The following HTR1F variants were observed in gnomAD, a reference collection of about 807,000 sequenced individuals.
HTR1F encodes the protein 5-hydroxytryptamine (serotonin) receptor 1F, G protein-coupled.
Under a neutral mutation model 24.0 loss-of-function variants are expected in HTR1F, and 17 were observed. The observed-to-expected ratio is 0.71, with a 90% CI of 0.48 to 1.06. The LOEUF (loss-of-function observed/expected upper bound fraction) is 1.06, where lower values mean the gene tolerates loss of function less well. Among genes scored for constraint, HTR1F ranks in the 50% least tolerant of loss-of-function variants. The pLI is 0.00. For missense variants in HTR1F, 391 were observed against 427.8 expected (o/e 0.91, Z 0.76); for synonymous variants, 186 against 156.8 (o/e 1.19, Z -1.39).
chr3:87,826,236 A>G (rs1704459344), intron 2 of HTR1F, among the ~76,000 whole-genome samples: 2 of 152,226 alleles, frequency 1.3e-5, no homozygotes, highest in Admixed American at 1.3e-4. Flanking sequence ...GGGTGAGACC[A>G]TATTCTGTCT....
chr3:87,812,531 G>T (rs1255856385), intron 1 of HTR1F, among the ~76,000 whole-genome samples: 4 of 152,206 alleles, frequency 2.6e-5, no homozygotes, highest in Non-Finnish European at 5.9e-5. Flanking sequence ...TGGAAAATTT[G>T]CAGCCTGGTG....
intron 2 of HTR1F, among the ~76,000 whole-genome samples, chr3:87,929,685 C>T (rs1704214450): frequency 6.6e-6 from 1 of 152,150 alleles, no homozygotes; most frequent in South Asian, 2.1e-4. Flanking sequence ...CAGGACCATG[C>T]TGTTTTGGTT....
chr3:87,983,096 A>T (rs560587507), intron 2 of HTR1F, among the ~76,000 whole-genome samples: 2 of 152,282 alleles, frequency 1.3e-5, no homozygotes, highest in East Asian at 3.9e-4. Flanking sequence ...ATAAACTAAG[A>T]AAGAATAGGT....
At chr3:87,866,242 A>T (rs1428298431) in intron 2 of HTR1F, among the ~76,000 whole-genome samples, 1 of 152,212 alleles carries the variant, frequency 6.6e-6, no homozygotes, top group Admixed American at 6.5e-5. Context: ...GCAAAAGCAA[A>T]TATTTTGTAT....
intron 1 of HTR1F, among the ~76,000 whole-genome samples, chr3:87,799,969 G>C (rs1703967212): frequency 6.6e-6 from 1 of 152,068 alleles, no homozygotes; most frequent in Non-Finnish European, 1.5e-5. Flanking sequence ...TTTTTCTCCA[G>C]ACTCAGCCAA....
chr3:87,877,983 C>T (rs1411784357), intron 2 of HTR1F, among the ~76,000 whole-genome samples: 1 of 152,038 alleles, frequency 6.6e-6, no homozygotes, highest in African/African-American at 2.4e-5. Context: ...TATTTAAGTT[C>T]TTCTAAAATG....
intron 2 of HTR1F, among the ~76,000 whole-genome samples, chr3:87,952,748 T>C (rs1030543011): frequency 1.3e-5 from 2 of 151,922 alleles, no homozygotes; most frequent in Admixed American, 6.6e-5. Context: ...ATCAATATAA[T>C]GCAAGCTTTC....
intron 2 of HTR1F, among the ~76,000 whole-genome samples, chr3:87,887,852 C>T (rs1440607292): frequency 6.6e-6 from 1 of 151,982 alleles, no homozygotes; most frequent in Non-Finnish European, 1.5e-5. Flanking sequence ...AGAAATGGAA[C>T]ACTTTTACAC....
intron 2 of HTR1F, among the ~76,000 whole-genome samples, chr3:87,965,218 A>G (rs1705138122): frequency 6.6e-6 from 1 of 152,180 alleles, no homozygotes; most frequent in Admixed American, 6.6e-5. Flanking sequence ...TTCATTTTTT[A>G]TAAACAGTCA....
chr3:87,842,663 C>T (rs1460511730), intron 2 of HTR1F, among the ~76,000 whole-genome samples: 3 of 151,858 alleles, frequency 2.0e-5, no homozygotes, highest in African/African-American at 7.3e-5. Flanking sequence ...TATATGATGG[C>T]TTTACAATTT....
At chr3:87,944,724 G>T (rs1704653583) in intron 2 of HTR1F, among the ~76,000 whole-genome samples, 1 of 152,204 alleles carries the variant, frequency 6.6e-6, no homozygotes, top group Non-Finnish European at 1.5e-5. Context: ...TTCTGAAGTG[G>T]TGAGGTGTGC....
chr3:87,905,095 G>T (rs1284996771), intron 2 of HTR1F, among the ~76,000 whole-genome samples: 3 of 151,752 alleles, frequency 2.0e-5, no homozygotes, highest in Non-Finnish European at 2.9e-5. Flanking sequence ...ATAGCTTGAC[G>T]CCAGGAGTTT....
chr3:87,955,889 A>G (rs1004882168), intron 2 of HTR1F, among the ~76,000 whole-genome samples: 6 of 151,328 alleles, frequency 4.0e-5, no homozygotes, highest in African/African-American at 7.3e-5. Context: ...GTTTTTTTAA[A>G]TGAGTTATTA....
chr3:87,987,218 T>C (rs1288026539), intron 2 of HTR1F, among the ~76,000 whole-genome samples: 17 of 152,146 alleles, frequency 1.1e-4, no homozygotes, highest in African/African-American at 4.1e-4. Context: ...ATTTAATATT[T>C]AGTGCAAATT....
intron 2 of HTR1F, among the ~76,000 whole-genome samples, chr3:87,859,363 G>C (rs927822018): frequency 3.9e-5 from 6 of 152,314 alleles, no homozygotes; most frequent in African/African-American, 1.2e-4. Context: ...GATAGGACAA[G>C]AAGACCAGCT....
At chr3:87,851,269 A>G (rs1705080544) in intron 2 of HTR1F, among the ~76,000 whole-genome samples, 1 of 151,694 alleles carries the variant, frequency 6.6e-6, no homozygotes, top group Non-Finnish European at 1.5e-5. Flanking sequence ...AGAAGCAGAT[A>G]GATCTGATTC....
At chr3:87,944,032 G>A (rs9839638) in intron 2 of HTR1F, among the ~76,000 whole-genome samples, 29,434 of 151,750 alleles carry the variant, frequency 0.19, 3,210 homozygotes, top group African/African-American at 0.32. Flanking sequence ...CCTTTCCAGG[G>A]TGCGTAACCA....
intron 1 of HTR1F, among the ~76,000 whole-genome samples, chr3:87,815,937 T>C (rs909966129): frequency 1.3e-5 from 2 of 152,138 alleles, no homozygotes; most frequent in African/African-American, 4.8e-5. Flanking sequence ...TAGGCAATTA[T>C]TCAATGCAAG....
At chr3:87,868,340 A>C (rs998486423) in intron 2 of HTR1F, among the ~76,000 whole-genome samples, 4 of 152,046 alleles carry the variant, frequency 2.6e-5, no homozygotes, top group Admixed American at 2.6e-4. Flanking sequence ...TTTTTCTCTG[A>C]TTGAAATTTG....
Sources: gnomAD v4.1 joint callset for allele counts (sites outside exome capture counted in the v4.1 genomes callset) on GRCh38, gnomAD v4.1.1 for gene constraint, MANE v1.5 for transcripts, NCBI Gene and HGNC (gene_info 2026-07-23, HGNC 2026-07-21) for gene names.